NUDT7: variants seen among roughly 807,000 people sequenced by gnomAD.
NUDT7 encodes the protein nudix hydrolase 7.
A neutral mutation model predicts 13.1 loss-of-function variants in NUDT7; 19 were observed. The ratio of observed to expected loss-of-function variants is 1.45; its 90% CI spans 1.01 to 2.13. The LOEUF (loss-of-function observed/expected upper bound fraction) is 2.13, where lower values mean the gene tolerates loss of function less well. Among genes scored for constraint, NUDT7 ranks in the 30% most tolerant of loss-of-function variants. The probability of loss-of-function intolerance (pLI) is 0.00; values close to 1 mark genes in which losing one functional copy is unlikely to be tolerated. For synonymous variants in NUDT7, 132 were observed against 109.7 expected (o/e 1.20, Z -1.27); for missense variants, 360 against 291.7 (o/e 1.23, Z -1.71).
chr16:77,725,704 G>C, intron 2 of NUDT7, 120 bp downstream of exon 2: 1 of 830,102 alleles, frequency 1.2e-6, no homozygotes, highest in Non-Finnish European at 1.9e-6. Context: ...AAATTGTGAT[G>C]TCAGAGGCAT....
chr16:77,731,042 C>T (rs150150167), intron 2 of NUDT7, among the ~76,000 whole-genome samples: 4 of 151,894 alleles, frequency 2.6e-5, no homozygotes, highest in African/African-American at 9.7e-5. Context: ...TCTTTTCATT[C>T]TGTTGAGTGT....
chr16:77,725,887 T>C (rs1208101684), intron 2 of NUDT7, among the ~76,000 whole-genome samples: 2 of 152,238 alleles, frequency 1.3e-5, no homozygotes, highest in Non-Finnish European at 2.9e-5. Flanking sequence ...TCCTGTATAA[T>C]GTGGTGTGTT....
chr16:77,739,204 G>A (rs2014581547), intron 3 of NUDT7, among the ~76,000 whole-genome samples: 1 of 152,158 alleles, frequency 6.6e-6, no homozygotes, highest in South Asian at 2.1e-4. Flanking sequence ...AGTCCATAAA[G>A]TGAAAGCAAG....
intron 2 of NUDT7, chr16:77,735,386 C>T (rs944512430): frequency 5.0e-5 from 28 of 554,778 alleles, no homozygotes; most frequent in Admixed American, 4.8e-4. Context: ...CTCTGTCTCC[C>T]GCTCCAGCCA....
intron 2 of NUDT7, among the ~76,000 whole-genome samples, chr16:77,726,538 T>A (rs1350070354): frequency 2.6e-5 from 4 of 152,308 alleles, no homozygotes; most frequent in Middle Eastern, 3.4e-3. Flanking sequence ...GGCTCAAGCA[T>A]GTAATCCCAG....
intron 3 of NUDT7, 21 bp from the exon 4 acceptor site, chr16:77,741,561 T>C (rs1175679581): frequency 1.9e-6 from 3 of 1,564,406 alleles, no homozygotes; most frequent in Non-Finnish European, 2.6e-6. Flanking sequence ...TTAATTTGTC[T>C]GTTTTGTTTT....
chr16:77,731,333 A>T (rs1443134286), intron 2 of NUDT7, among the ~76,000 whole-genome samples: 3 of 150,096 alleles, frequency 2.0e-5, no homozygotes, highest in African/African-American at 7.5e-5. Flanking sequence ...CTGTTTTTCC[A>T]TCAATGATGG....
rs1466602424 is a variant in NUDT7, at chr16:77,741,811, C to A, written c.578C>A (p.Ala193Glu). The A allele has an allele frequency of 1.2e-6, 2 of 1,613,996 alleles. No homozygotes were observed. Among genetic ancestry groups the A allele is most frequent in the African/African-American group, 2.7e-5 (2 of 74,918 alleles). The change falls in exon 4 of 4, where the codon GCA becomes GAA. Residue 193 changes from alanine (A) to glutamate (E), a missense_variant. Coordinates refer to ENST00000268533, the MANE Select transcript of NUDT7 (RefSeq NM_001105663.3). Reference protein sequence around the residue: ...GVTYQIKGMTANLAVLVAFII... With the variant: ...GVTYQIKGMTENLAVLVAFII... ...ACTTACCAGATCAAGGGAATGACGGCAAACCTTGCAGTGTTGGTGGCCTTT... is the reference window on the plus strand; with the variant it reads ...ACTTACCAGATCAAGGGAATGACGGAAAACCTTGCAGTGTTGGTGGCCTTT...
chr16:77,729,811 C>G (rs1033393989), intron 2 of NUDT7, among the ~76,000 whole-genome samples: 1 of 151,712 alleles, frequency 6.6e-6, no homozygotes, highest in South Asian at 2.1e-4. Flanking sequence ...GGCAACAGAG[C>G]GAGACTCTAT....
chr16:77,731,946 G>A (rs2145115823), intron 2 of NUDT7, among the ~76,000 whole-genome samples: 1 of 152,208 alleles, frequency 6.6e-6, no homozygotes, highest in East Asian at 1.9e-4. Context: ...TTTAAGCTAA[G>A]TGTTATTACA....
At chr16:77,734,780 A>T (rs1428115687) in intron 2 of NUDT7, among the ~76,000 whole-genome samples, 1 of 152,196 alleles carries the variant, frequency 6.6e-6, no homozygotes, top group Non-Finnish European at 1.5e-5. Flanking sequence ...TGAAGGGAAA[A>T]ATGCCAGACA....
intron 2 of NUDT7, among the ~76,000 whole-genome samples, chr16:77,733,680 C>G (rs16946403): frequency 0.1 from 15,386 of 152,174 alleles, 876 homozygotes; most frequent in African/African-American, 0.16. Flanking sequence ...AATGTGGCCA[C>G]GCACCATTCC....
rs1221048625 is a variant in NUDT7 at position 77,725,500 on chromosome 16, G to T, written c.105G>T (p.Leu35Phe). 3 of 1,613,760 alleles carry T rather than the reference G, an allele frequency of 1.9e-6. No homozygotes were observed. The highest frequency in any genetic ancestry group is 2.7e-5 in the African/African-American group (2 of 74,902). ...KYDIGGKYSH[L>F]PYNKYSVLLP... is the part of the protein sequence containing the mutation. The stretch of plus-strand genomic sequence containing the variant: ...ATATTGGAGGCAAATATTCTCACTT[G>T]CCATATAACAAATACTCCGTCCTTT... The change falls in exon 2 of 4, where the codon TTG becomes TTT. Residue 35 changes from leucine (L) to phenylalanine (F), a missense_variant. Physicochemically the swap from Leu to Phe is conservative, Grantham distance 22. Transcript: ENST00000268533.
In NUDT7 at chr16:77,731,758, C is replaced by A. The variant is rs183904900; in HGVS notation, c.190-4070C>A. Among the ~76,000 whole-genome samples, 54 of 152,044 alleles carry A rather than the reference C, an allele frequency of 3.6e-4. No individual in the cohort carries two copies. In the East Asian group the frequency reaches 9.8e-3, roughly 28 times the overall value. ...TGTATGTTATTGTTGCCCCTGAAGA[C>A]CTTCCAGTGGGACAAGAGGTAGAGG... On this transcript the variant is annotated intron_variant, in intron 2 of 3. Coordinates refer to ENST00000268533, the MANE Select transcript of NUDT7 (RefSeq NM_001105663.3).
In NUDT7 at chr16:77,735,989, A is replaced by G. The variant is rs2014472044; in HGVS notation, c.348+3A>G. 1 of 1,613,624 alleles carries G rather than the reference A, an allele frequency of 6.2e-7. No individual in the cohort carries two copies. Among genetic ancestry groups the G allele is most frequent in the African/African-American group, 1.3e-5 (1 of 74,898 alleles). Reference sequence around the variant, plus strand: ...GCCTGGTGCCATGTCTTATTGATGTAAGGGTTTCCTGAGACACTCATGAGC... The same window carrying G: ...GCCTGGTGCCATGTCTTATTGATGTGAGGGTTTCCTGAGACACTCATGAGC... On this transcript the variant is annotated splice_donor_region_variant and intron_variant, in intron 3 of 3. Transcript: ENST00000268533.
At position 77,722,569 on chromosome 16, in the gene NUDT7, C is replaced by T. The variant is rs577088545; in HGVS notation, c.-14C>T. 6.3e-7 allele frequency: 1 copy of T among 1,584,946 alleles called. No individual in the cohort carries two copies. Among genetic ancestry groups the T allele is most frequent in the African/African-American group, 1.3e-5 (1 of 74,364 alleles). On this transcript the variant is annotated 5_prime_UTR_variant, in exon 1 of 4. Transcript: ENST00000268533. ...TCCGAGGAGTCCGCCCGGAAACAAA[C>T]ATTCCCCAGGGCAATGTCACGACTT...
intron 2 of NUDT7, among the ~76,000 whole-genome samples, chr16:77,733,183 A>G (rs2014372023): frequency 6.6e-6 from 1 of 152,228 alleles, no homozygotes; most frequent in Non-Finnish European, 1.5e-5. Flanking sequence ...AAAGTTTATC[A>G]TGGCATTGTC....
intron 2 of NUDT7, among the ~76,000 whole-genome samples, chr16:77,725,859 T>C (rs991628241): frequency 6.6e-6 from 1 of 152,176 alleles, no homozygotes; most frequent in African/African-American, 2.4e-5. Context: ...GCTGAATAAT[T>C]CTTTGGTGTG....
intron 2 of NUDT7, among the ~76,000 whole-genome samples, chr16:77,732,466 G>C (rs2014348562): frequency 6.6e-6 from 1 of 152,050 alleles, no homozygotes; most frequent in Non-Finnish European, 1.5e-5. Context: ...GACTCACACA[G>C]AGCAGCTTTC....
Sources: gnomAD v4.1 joint callset for allele counts (sites outside exome capture counted in the v4.1 genomes callset) on GRCh38, gnomAD v4.1.1 for gene constraint, MANE v1.5 for transcripts, NCBI Gene and HGNC (gene_info 2026-07-23, HGNC 2026-07-21) for gene names.